The following ANKHD1 variants were observed in gnomAD, a reference collection of about 807,000 sequenced individuals.
ANKHD1 encodes the protein ankyrin repeat and KH domain-containing protein 1.
Under a neutral mutation model 230.5 loss-of-function variants are expected in ANKHD1, and 31 were observed. That is an observed-to-expected ratio of 0.13 (90% CI 0.10 to 0.18). The LOEUF (loss-of-function observed/expected upper bound fraction) is 0.18, where lower values mean the gene tolerates loss of function less well. Ranked by LOEUF, ANKHD1 falls within the 10% of genes least tolerant of loss-of-function variation. ANKHD1 has a pLI of 1.00. For missense variants in ANKHD1, 2,256 were observed against 3,071.3 expected (o/e 0.73, Z 6.27); for synonymous variants, 1,074 against 1,117.6 (o/e 0.96, Z 0.78).
intron 24 of ANKHD1, among the ~76,000 whole-genome samples, chr5:140,516,313 C>T (rs6872230): frequency 0.02 from 3,048 of 152,242 alleles, 105 homozygotes; most frequent in African/African-American, 0.07. Context: ...ACCAAATCTA[C>T]GTCTGATTGG....
At chr5:140,500,509 G>T (rs753120571) in intron 15 of ANKHD1, among the ~76,000 whole-genome samples, 1 of 151,832 alleles carries the variant, frequency 6.6e-6, no homozygotes, top group South Asian at 2.1e-4. Flanking sequence ...TTAGCCAGGC[G>T]TGGTGGTGCA....
chr5:140,410,819 G>A (rs965892270), intron 1 of ANKHD1, among the ~76,000 whole-genome samples: 5 of 151,730 alleles, frequency 3.3e-5, no homozygotes, highest in African/African-American at 1.2e-4. Context: ...TTATTTAATC[G>A]TTTCATCACC....
intron 30 of ANKHD1, among the ~76,000 whole-genome samples, chr5:140,536,729 A>G (rs931667293): frequency 3.9e-5 from 6 of 152,198 alleles, no homozygotes; most frequent in Non-Finnish European, 7.3e-5. Context: ...CATTTTAGTT[A>G]ATTTTCAAAT....
At chr5:140,458,496 C>A in intron 7 of ANKHD1, 129 bp from the exon 8 acceptor site, 1 of 894,886 alleles carries the variant, frequency 1.1e-6, no homozygotes, top group Non-Finnish European at 1.7e-6. Context: ...TATATGCTGT[C>A]TATGCTGAAT....
chr5:140,518,359 A>G (rs1267886588), intron 24 of ANKHD1, among the ~76,000 whole-genome samples: 2 of 152,188 alleles, frequency 1.3e-5, no homozygotes. Context: ...TACCAGAGGT[A>G]CAAGGAGGAG....
At chr5:140,435,737 G>A (rs925865734) in intron 1 of ANKHD1, among the ~76,000 whole-genome samples, 1 of 151,430 alleles carries the variant, frequency 6.6e-6, no homozygotes, top group Admixed American at 6.6e-5. Context: ...GTTTCACCTT[G>A]TTGCCCAGGC....
intron 1 of ANKHD1, among the ~76,000 whole-genome samples, chr5:140,415,238 C>T (rs1233923813): frequency 6.6e-6 from 1 of 151,650 alleles, no homozygotes. Context: ...CAAAAATTAG[C>T]CGGGCATGGT....
intron 23 of ANKHD1, 118 bp from the exon 24 acceptor site, chr5:140,513,245 T>C (rs1752841867): frequency 1.0e-6 from 1 of 996,128 alleles, no homozygotes; most frequent in Admixed American, 3.1e-5. Context: ...GATAACTTAA[T>C]TTGGTTTAGT....
intron 1 of ANKHD1, among the ~76,000 whole-genome samples, chr5:140,419,753 TTTCTC>T (rs1191851399): frequency 1.3e-5 from 2 of 151,566 alleles, no homozygotes; most frequent in African/African-American, 4.8e-5. Flanking sequence ...TTTCTTTTCT[TTTCTC>T]TTCTCTTTCC....
chr5:140,496,462 T>C (rs13168450), intron 14 of ANKHD1, 58 bp from the exon 15 acceptor site: 22 of 217,192 alleles, frequency 1.0e-4, no homozygotes, highest in East Asian at 4.8e-4. Flanking sequence ...TTTTCTTTTC[T>C]TTTTTTTTTT....
Position 140,528,324 on chromosome 5 carries a change from C to T in ANKHD1, c.5378C>T (p.Ser1793Leu), listed in dbSNP as rs749313107. Residue 1793 changes from serine (S) to leucine (L), a missense_variant, in exon 29 of 34, where the codon TCA (serine) becomes TTA (leucine). Physicochemically the swap from Ser to Leu is moderately radical, Grantham distance 145 (BLOSUM62 -2). Around this residue, in one of 13 missense-constraint regions of ANKHD1, gnomAD observed 778 missense variants for 966.5 expected, o/e 0.80. Coordinates refer to ENST00000360839, the MANE Select transcript of ANKHD1 (RefSeq NM_017747.3). ...ACCAAATCAATTCATGCTAACTTCT[C>T]ATCTGGAGTAGGTACCACAGCAGCT... ...ASTKSIHANF[S>L]SGVGTTAASS... 2.5e-6 allele frequency: 4 copies of T among 1,614,118 alleles called. No individual in the cohort carries two copies. The East Asian group carries it at 8.9e-5, about 36-fold the overall frequency.
intron 4 of ANKHD1, among the ~76,000 whole-genome samples, chr5:140,440,696 C>G (rs1773788369): frequency 6.6e-6 from 1 of 152,076 alleles, no homozygotes; most frequent in Non-Finnish European, 1.5e-5. Flanking sequence ...TATAGTTTTG[C>G]TGTTCTTTGG....
intron 1 of ANKHD1, among the ~76,000 whole-genome samples, chr5:140,417,830 A>C (rs1771523609): frequency 7.8e-6 from 1 of 127,920 alleles, no homozygotes. Context: ...TTTCCCATAT[A>C]GTCTTTTTTT....
intron 1 of ANKHD1, among the ~76,000 whole-genome samples, chr5:140,416,812 C>G (rs1771436041): frequency 6.6e-6 from 1 of 150,924 alleles, no homozygotes; most frequent in South Asian, 2.1e-4. Flanking sequence ...ATTATTTTGA[C>G]TATTCTGGGT....
At position 140,497,193 on chromosome 5, in the gene ANKHD1, G is replaced by A; in HGVS notation, c.2919G>A (p.Gln973=). 2 of 1,613,090 alleles carry A rather than the reference G, an allele frequency of 1.2e-6. No homozygotes were observed. Among genetic ancestry groups the A allele is most frequent in the Non-Finnish European group, 1.7e-6 (2 of 1,180,016 alleles). Residue 973 remains glutamine (Q), a synonymous_variant, in exon 15 of 34, where the codon CAG becomes CAA. Coordinates refer to ENST00000360839, the MANE Select transcript of ANKHD1 (RefSeq NM_017747.3). The part of the protein sequence containing the change: ...QPQIAITGHD[Q]GLLVQEPDGL... ...AGATTGCTATTACTGGACATGATCA[G>A]GGGCTGTTAGTTCAAGAACCAGATG...
chr5:140,425,705 A>G (rs1196912524), intron 1 of ANKHD1, among the ~76,000 whole-genome samples: 1 of 152,176 alleles, frequency 6.6e-6, no homozygotes, highest in African/African-American at 2.4e-5. Context: ...TGCTGAGTAT[A>G]TTAGGCCTTT....
rs1203421180 is a variant in ANKHD1 at position 140,526,033 on chromosome 5, C to T, written c.4530C>T (p.Thr1510=). 3.7e-6 allele frequency: 6 copies of T among 1,600,440 alleles called. No homozygotes were observed. Among genetic ancestry groups the T allele is most frequent in the Non-Finnish European group, 5.1e-6 (6 of 1,176,390 alleles). ...QEVPIEPPSA[T]TTTTIGISAT... is the part of the protein sequence containing the mutation. Reference sequence around the variant, plus strand: ...TTCCCATAGAACCTCCTAGTGCAACCACCACCACTACGATTGGAATCTCTG... The same window carrying T: ...TTCCCATAGAACCTCCTAGTGCAACTACCACCACTACGATTGGAATCTCTG... Residue 1510 remains threonine (T), a synonymous_variant, in exon 26 of 34, where the codon ACC becomes ACT. Coordinates refer to ENST00000360839, the MANE Select transcript of ANKHD1 (RefSeq NM_017747.3).
At chr5:140,479,402 G>A (rs1003815747) in intron 10 of ANKHD1, among the ~76,000 whole-genome samples, 3 of 151,914 alleles carry the variant, frequency 2.0e-5, no homozygotes, top group East Asian at 3.9e-4. Flanking sequence ...AATTTTCTGC[G>A]TTTATGAAGG....
intron 7 of ANKHD1, among the ~76,000 whole-genome samples, chr5:140,452,874 CTT>C (rs765140222): frequency 8.5e-5 from 13 of 152,184 alleles, no homozygotes; most frequent in South Asian, 2.1e-4. Context: ...TGGAGAATGA[CTT>C]TAACGAATTG....
Sources: allele counts gnomAD v4.1 joint callset (sites outside exome capture counted in the v4.1 genomes callset), GRCh38; gene constraint gnomAD v4.1.1; regional missense constraint gnomAD v4.1.1; transcripts MANE v1.5; gene names NCBI Gene and HGNC (gene_info 2026-07-23, HGNC 2026-07-21).